The following DNMT3A variants were observed in gnomAD, a reference collection of about 807,000 sequenced individuals.
DNMT3A encodes the protein DNA methyltransferase 3 alpha.
DNMT3A carries 267 observed loss-of-function variants against 117.6 expected under a neutral mutation model. The ratio of observed to expected loss-of-function variants is 2.27; its 90% CI spans 2.05 to 2.51. The LOEUF (loss-of-function observed/expected upper bound fraction) is 2.51. DNMT3A is among the 30% of genes most tolerant of loss of function. The pLI is 0.00. For synonymous variants in DNMT3A, 432 were observed against 474.8 expected, an observed-to-expected ratio of 0.91 and a Z score of 1.17; for missense variants, 1,029 against 1,260.2, an observed-to-expected ratio of 0.82 and a Z score of 2.78.
At chr2:25,325,705 A>C (rs996501353) in intron 1 of DNMT3A, among the ~76,000 whole-genome samples, 3 of 152,184 alleles carry the variant, frequency 2.0e-5, no homozygotes, top group African/African-American at 7.2e-5. Flanking sequence ...AGTGGAAAAA[A>C]GGAGTTATGC....
In DNMT3A at chr2:25,313,920, T is replaced by C; in HGVS notation, c.65A>G (p.Asp22Gly). Residue 22 changes from aspartate to glycine, a missense_variant, in exon 2 of 23, where the codon GAC (aspartate) becomes GGC (glycine). Coordinates refer to ENST00000321117, the MANE Select transcript of DNMT3A (RefSeq NM_022552.5). ...GCAGAGCCCGCTGCTCACCTTTCGG[T>C]CCTCCTCCCGCTCCGCAGCAGAGCT... ...TSSSAAEREE[D>G]RKDGEEQEEP... 1 of 1,549,580 alleles carries C rather than the reference T, an allele frequency of 6.5e-7. No homozygotes were observed. Among genetic ancestry groups the C allele is most frequent in the Non-Finnish European group, 8.7e-7 (1 of 1,146,960 alleles).
rs968169029 is a variant in DNMT3A at position 25,305,981 on chromosome 2, C to G, written c.73-5738G>C. Among the ~76,000 whole-genome samples, 22 of 152,230 alleles carry G rather than the reference C, an allele frequency of 1.4e-4. No individual in the cohort carries two copies. Among genetic ancestry groups the G allele is most frequent in the Non-Finnish European group, 2.9e-4 (20 of 68,032 alleles). ...AGGGGATGAACTTGCCGGATCTAGC[C>G]AGCTACTTGCCCGGGCCCCCTGGGA... On this transcript the variant is annotated intron_variant, in intron 2 of 22. Coordinates refer to ENST00000321117, the MANE Select transcript of DNMT3A (RefSeq NM_022552.5). The surrounding 1 kb of genome is among the most constrained non-coding windows in gnomAD (Gnocchi z 4.1).
At chr2:25,259,154 C>G (rs1469140247) in intron 6 of DNMT3A, among the ~76,000 whole-genome samples, 3 of 152,262 alleles carry the variant, frequency 2.0e-5, no homozygotes, top group Non-Finnish European at 4.4e-5. Flanking sequence ...GGCTGCCTTC[C>G]CTTTCCCTAT....
chr2:25,246,337 C>A, intron 10 of DNMT3A, 28 bp from the exon 11 acceptor site: 1 of 1,573,730 alleles, frequency 6.4e-7, no homozygotes, highest in South Asian at 1.2e-5. Context: ...GTGCCAAGGT[C>A]AGTTACAGGC....
chr2:25,266,775 T>C (rs1374866618), intron 6 of DNMT3A, among the ~76,000 whole-genome samples: 1 of 152,250 alleles, frequency 6.6e-6, no homozygotes, highest in Non-Finnish European at 1.5e-5. Flanking sequence ...CCCATTTGAC[T>C]AGCAAAATAT....
intron 2 of DNMT3A, among the ~76,000 whole-genome samples, chr2:25,300,803 C>T (rs1464247570): frequency 3.0e-4 from 35 of 114,904 alleles, no homozygotes; most frequent in Non-Finnish European, 2.4e-4. Flanking sequence ...TCAGGGCAGA[C>T]GCTGCTGTCC....
rs1672826998 is a variant in DNMT3A, at chr2:25,230,537, G to A, written c.*3742C>T. Reference sequence around the variant, plus strand: ...GGAATATGCCTGGCAATTTTCCCTAGGCCTTCTTGGTTCCCCCACTCCACT... The same window carrying A: ...GGAATATGCCTGGCAATTTTCCCTAAGCCTTCTTGGTTCCCCCACTCCACT... On this transcript the variant is annotated 3_prime_UTR_variant, in exon 23 of 23. Transcript: ENST00000321117. The A allele has an allele frequency of 6.6e-6, 1 of 152,326 alleles. No homozygotes were observed. The highest frequency in any genetic ancestry group is 1.5e-5 in the Non-Finnish European group (1 of 68,124). The allele number at this position is 152,326 out of a possible 1,614,324, so 9.4% of individuals were successfully genotyped here. A position where few individuals can be genotyped will look rare whatever the true frequency, so the allele number is the denominator to read the frequency against.
intron 6 of DNMT3A, among the ~76,000 whole-genome samples, chr2:25,265,684 T>G (rs1460842380): frequency 6.6e-6 from 1 of 152,012 alleles, no homozygotes; most frequent in African/African-American, 2.4e-5. Context: ...CCGGGTGTGG[T>G]GGCAGGTGCC....
At chr2:25,312,017 C>T (rs1189273302) in intron 2 of DNMT3A, among the ~76,000 whole-genome samples, 1 of 152,076 alleles carries the variant, frequency 6.6e-6, no homozygotes, top group Non-Finnish European at 1.5e-5. Flanking sequence ...GGAGTTTGTC[C>T]CAGCTGTCCC....
At chr2:25,313,071 A>G (rs1390290745) in intron 2 of DNMT3A, among the ~76,000 whole-genome samples, 1 of 152,110 alleles carries the variant, frequency 6.6e-6, no homozygotes, top group East Asian at 1.9e-4. Context: ...CAGTGAGTTC[A>G]CCATTCCACT....
intron 12 of DNMT3A, 144 bp from the exon 13 acceptor site, chr2:25,245,476 G>A (rs959814120): frequency 1.5e-6 from 1 of 680,170 alleles, no homozygotes; most frequent in Non-Finnish European, 2.5e-6. Context: ...CCACGGAAAA[G>A]GGAGGCACTG....
chr2:25,307,459 CTT>C (rs35144977), intron 2 of DNMT3A, among the ~76,000 whole-genome samples: 9 of 79,092 alleles, frequency 1.1e-4, no homozygotes, highest in East Asian at 6.4e-4. Context: ...CACACCGCAG[CTT>C]TTTTTTTTTT....
At chr2:25,302,734 G>A (rs1467017833) in intron 2 of DNMT3A, among the ~76,000 whole-genome samples, 1 of 152,080 alleles carries the variant, frequency 6.6e-6, no homozygotes, top group African/African-American at 2.4e-5. Context: ...TGCCAGTGCA[G>A]CTTAGTATTT....
At chr2:25,241,115 G>A (rs940821103) in intron 17 of DNMT3A, among the ~76,000 whole-genome samples, 16 of 152,188 alleles carry the variant, frequency 1.1e-4, no homozygotes, top group Non-Finnish European at 4.4e-5. Flanking sequence ...TCATGCTTAA[G>A]GGAAGACCCT....
chr2:25,266,510 T>G (rs1350413973), intron 6 of DNMT3A, among the ~76,000 whole-genome samples: 2 of 152,114 alleles, frequency 1.3e-5, no homozygotes, highest in African/African-American at 4.8e-5. Context: ...CTTTACTTAG[T>G]AGGTGCTGAG....
At chr2:25,276,286 G>T (rs2031401185) in intron 4 of DNMT3A, among the ~76,000 whole-genome samples, 1 of 152,076 alleles carries the variant, frequency 6.6e-6, no homozygotes, top group Admixed American at 6.5e-5. Context: ...TTGGATTCCA[G>T]TGTGACCTCT....
intron 1 of DNMT3A, among the ~76,000 whole-genome samples, chr2:25,326,106 A>ATGTGTGTGTGTG (rs1159330144): frequency 9.7e-5 from 10 of 103,276 alleles, no homozygotes; most frequent in African/African-American, 4.4e-4. Context: ...AACTTGATAT[A>ATGTGTGTGTGTG]TATGTGTGTG....
rs755208062 is a variant in DNMT3A at position 25,252,173 on chromosome 2, G to A, written c.640-3921C>T. The A allele has an allele frequency of 5.1e-6, 8 of 1,561,522 alleles. No individual in the cohort carries two copies. The highest frequency in any genetic ancestry group is 8.7e-7 in the Non-Finnish European group (1 of 1,154,898). On this transcript the variant is annotated intron_variant, in intron 6 of 22. Coordinates refer to ENST00000321117, the MANE Select transcript of DNMT3A (RefSeq NM_022552.5). The surrounding 1 kb of genome is among the most constrained non-coding windows in gnomAD (Gnocchi z 5.5). ...CGCCTCCCCGCCCCCGGTCTCCCCG[G>A]GGCTCCGTCCAGGAACCTACCCATA... is the stretch of plus-strand genomic sequence containing the variant.
intron 2 of DNMT3A, 70 bp from the exon 3 acceptor site, chr2:25,300,313 G>A: frequency 6.5e-7 from 1 of 1,534,746 alleles, no homozygotes; most frequent in South Asian, 1.2e-5. Flanking sequence ...GGCCTGTCTG[G>A]GGCTGGCCCT....
Sources: gnomAD v4.1 joint callset for allele counts (sites outside exome capture counted in the v4.1 genomes callset) on GRCh38, gnomAD v4.1.1 for gene constraint, Gnocchi (gnomAD v3.1) non-coding constraint, MANE v1.5 for transcripts, NCBI Gene and HGNC (gene_info 2026-07-23, HGNC 2026-07-21) for gene names.